SEPTIN10: variants seen among roughly 807,000 people sequenced by gnomAD.
The protein encoded by SEPTIN10 is septin 10.
Under a neutral mutation model 54.8 loss-of-function variants are expected in SEPTIN10, and 66 were observed. The observed-to-expected ratio is 1.21, with a 90% confidence interval of 0.99 to 1.48. The LOEUF (loss-of-function observed/expected upper bound fraction) is 1.48, where lower values mean the gene tolerates loss of function less well. Ranked by LOEUF, SEPTIN10 falls within the 40% of genes most tolerant of loss-of-function variation. The pLI, the probability that SEPTIN10 is intolerant of heterozygous loss-of-function variation, is 0.00. For synonymous variants in SEPTIN10, 161 were observed against 181.0 expected, an observed-to-expected ratio of 0.89 and a Z score of 0.89; for missense variants, 620 against 545.6, an observed-to-expected ratio of 1.14 and a Z score of -1.36.
chr2:109,594,439 A>G (rs759659130), intron 1 of SEPTIN10, among the ~76,000 whole-genome samples: 5 of 151,870 alleles, frequency 3.3e-5, no homozygotes, highest in African/African-American at 7.3e-5. Flanking sequence ...GTTTATATAA[A>G]TGGTAGCTGT....
intron 2 of SEPTIN10, among the ~76,000 whole-genome samples, chr2:109,586,358 T>G (rs1187952074): frequency 6.6e-6 from 1 of 152,174 alleles, no homozygotes; most frequent in Non-Finnish European, 1.5e-5. Flanking sequence ...CTGGACAGAA[T>G]AAGACTTGAG....
intron 1 of SEPTIN10, among the ~76,000 whole-genome samples, chr2:109,596,223 TA>T (rs932830159): frequency 6.6e-6 from 1 of 152,156 alleles, no homozygotes; most frequent in East Asian, 1.9e-4. Context: ...AAATTACTGG[TA>T]AAAAAGTGGT....
intron 9 of SEPTIN10, chr2:109,552,856 C>A: frequency 2.3e-6 from 1 of 433,750 alleles, no homozygotes; most frequent in Non-Finnish European, 4.0e-6. Flanking sequence ...AGAATTTCAA[C>A]GATTAGTGAC....
chr2:109,561,365 C>T (rs1294639181), intron 8 of SEPTIN10, among the ~76,000 whole-genome samples: 2 of 152,156 alleles, frequency 1.3e-5, no homozygotes, highest in African/African-American at 4.8e-5. Context: ...ACCCATTTTA[C>T]ACTGTCTGCC....
At chr2:109,593,219 T>C (rs1325268810) in intron 1 of SEPTIN10, 100 bp from the exon 2 acceptor site, 3 of 723,528 alleles carry the variant, frequency 4.1e-6, no homozygotes, top group East Asian at 5.7e-5. Flanking sequence ...GTTATAATAA[T>C]GTTGTTATCA....
intron 5 of SEPTIN10, among the ~76,000 whole-genome samples, chr2:109,569,345 C>T (rs561053965): frequency 2.6e-5 from 4 of 151,208 alleles, no homozygotes; most frequent in African/African-American, 9.7e-5. Flanking sequence ...GCAGAAGAAT[C>T]GCTTGAACCC....
At chr2:109,587,953 G>A (rs1054895400) in intron 2 of SEPTIN10, among the ~76,000 whole-genome samples, 2 of 151,464 alleles carry the variant, frequency 1.3e-5, no homozygotes, top group East Asian at 1.9e-4. Context: ...AAAATTACCC[G>A]GGCGTGGTGG....
chr2:109,545,584 A>G, intron 10 of SEPTIN10: 3 of 1,534,190 alleles, frequency 2.0e-6, no homozygotes, highest in Non-Finnish European at 2.6e-6. Flanking sequence ...TATCAGTAGA[A>G]TTTGTTCTAA....
intron 6 of SEPTIN10, among the ~76,000 whole-genome samples, chr2:109,566,489 C>A (rs569627698): frequency 1.3e-5 from 2 of 152,168 alleles, no homozygotes; most frequent in African/African-American, 4.8e-5. Context: ...GAGGAAATTA[C>A]ACATACACAC....
At chr2:109,601,883 T>C (rs1456726531) in intron 1 of SEPTIN10, among the ~76,000 whole-genome samples, 1 of 152,116 alleles carries the variant, frequency 6.6e-6, no homozygotes, top group Non-Finnish European at 1.5e-5. Context: ...TTTTTCCCAA[T>C]GTTGTTAGCC....
In SEPTIN10 at chr2:109,574,710, T is replaced by C. The variant is rs1409759367; in HGVS notation, c.471A>G (p.Glu157=). The C allele has an allele frequency of 6.2e-7, 1 of 1,606,306 alleles. No individual in the cohort carries two copies. Among genetic ancestry groups the C allele is most frequent in the Non-Finnish European group, 8.5e-7 (1 of 1,176,390 alleles). ...DAQFEAYLQE[E]LKIKRSLFTY... The stretch of plus-strand genomic sequence containing the variant: ...TAAAGAGAGAACGCTTAATCTTCAG[T>C]TCTTCTTGGAGATAGGCCTCAAACT... Residue 157 remains glutamate, a synonymous_variant, in exon 5 of 11, where the codon GAA becomes GAG. Coordinates refer to ENST00000397712, the MANE Select transcript of SEPTIN10 (RefSeq NM_144710.5).
intron 9 of SEPTIN10, among the ~76,000 whole-genome samples, chr2:109,546,994 T>C (rs544894343): frequency 2.0e-5 from 3 of 152,324 alleles, no homozygotes; most frequent in African/African-American, 7.2e-5. Flanking sequence ...GAAAGCTCTC[T>C]GACCTCCCTT....
rs1443739251 is a variant in SEPTIN10, at chr2:109,544,120, T to C, written c.*189A>G. 2 of 1,517,220 alleles carry C rather than the reference T, an allele frequency of 1.3e-6. No homozygotes were observed. Among genetic ancestry groups the C allele is most frequent in the Non-Finnish European group, 1.8e-6 (2 of 1,133,134 alleles). The allele number at this position is 1,517,220 out of a possible 1,614,324, so 94.0% of individuals were successfully genotyped here. A position where few individuals can be genotyped will look rare whatever the true frequency, so the allele number is the denominator to read the frequency against. On this transcript the variant is annotated 3_prime_UTR_variant, in exon 11 of 11. Coordinates refer to ENST00000397712, the MANE Select transcript of SEPTIN10 (RefSeq NM_144710.5). ...TGAATTAGAGATGCTCAACTTGTAG[T>C]ATCATTCACTCTGGCTTATGTATTG...
chr2:109,600,920 A>T (rs1027423398), intron 1 of SEPTIN10, among the ~76,000 whole-genome samples: 4 of 152,262 alleles, frequency 2.6e-5, no homozygotes, highest in African/African-American at 9.6e-5. Context: ...AGATACAAAT[A>T]AACAGCCAGA....
intron 9 of SEPTIN10, among the ~76,000 whole-genome samples, chr2:109,551,720 GCA>G (rs1682999514): frequency 1.3e-5 from 2 of 152,108 alleles, no homozygotes; most frequent in African/African-American, 4.8e-5. Flanking sequence ...ACCATTTCCT[GCA>G]CAGTTCATTT....
intron 1 of SEPTIN10, chr2:109,605,359 A>G (rs1697693776): frequency 6.6e-6 from 1 of 152,210 alleles, no homozygotes; most frequent in African/African-American, 2.4e-5. Context: ...AATCCCAGCT[A>G]CTCAGGAGGC....
chr2:109,568,087 G>C, intron 5 of SEPTIN10, 111 bp from the exon 6 acceptor site: 3 of 813,904 alleles, frequency 3.7e-6, no homozygotes, highest in Non-Finnish European at 5.7e-6. Flanking sequence ...CCTAAACCTA[G>C]ATCGGGGGGC....
At chr2:109,604,161 C>CAAAA (rs34166921) in intron 1 of SEPTIN10, among the ~76,000 whole-genome samples, 17 of 58,674 alleles carry the variant, frequency 2.9e-4, no homozygotes, top group African/African-American at 8.6e-4. Context: ...GACTCTGCCT[C>CAAAA]AAAAAAAAAA....
chr2:109,595,201 A>G (rs765312386), intron 1 of SEPTIN10, among the ~76,000 whole-genome samples: 2 of 152,132 alleles, frequency 1.3e-5, no homozygotes, highest in Non-Finnish European at 2.9e-5. Flanking sequence ...GTGTTTTCAA[A>G]TCCTAAGTTT....
Sources: gnomAD v4.1 joint callset for allele counts (sites outside exome capture counted in the v4.1 genomes callset) on GRCh38, gnomAD v4.1.1 for gene constraint, MANE v1.5 for transcripts, NCBI Gene and HGNC (gene_info 2026-07-23, HGNC 2026-07-21) for gene names.